PTPRN2: variants seen among roughly 807,000 people sequenced by gnomAD.
PTPRN2 encodes the protein receptor-type tyrosine-protein phosphatase N2.
PTPRN2 carries 74 observed loss-of-function variants against 118.8 expected under a neutral mutation model. That is an observed-to-expected ratio of 0.62 (90% CI 0.52 to 0.76). The LOEUF (loss-of-function observed/expected upper bound fraction) is 0.76. Ranked by LOEUF, PTPRN2 falls within the 30% of genes least tolerant of loss-of-function variation. The pLI is 0.00. For missense variants in PTPRN2, 1,481 were observed against 1,394.4 expected, an observed-to-expected ratio of 1.06 and a Z score of -0.99; for synonymous variants, 641 against 608.0, an observed-to-expected ratio of 1.05 and a Z score of -0.80.
chr7:158,507,295 A>C (rs10260103), intron 1 of PTPRN2, among the ~76,000 whole-genome samples: 74,855 of 150,030 alleles, frequency 0.5, 18,624 homozygotes, highest in East Asian at 0.68. Flanking sequence ...ACTGCACACA[A>C]GAAGGTCAGT....
At chr7:157,802,846 G>T (rs117308747) in intron 12 of PTPRN2, among the ~76,000 whole-genome samples, 2 of 152,226 alleles carry the variant, frequency 1.3e-5, no homozygotes, top group Non-Finnish European at 2.9e-5. Context: ...TGTACAGTGT[G>T]TTGGCCATTT....
chr7:158,401,160 G>A (rs73178215), intron 2 of PTPRN2, among the ~76,000 whole-genome samples: 1,610 of 152,272 alleles, frequency 0.011, 17 homozygotes, highest in Non-Finnish European at 0.015. Flanking sequence ...GGGGCTCTCC[G>A]GGTTCCTGAC....
At chr7:158,343,343 G>A (rs1807213660) in intron 2 of PTPRN2, among the ~76,000 whole-genome samples, 1 of 152,198 alleles carries the variant, frequency 6.6e-6, no homozygotes, top group African/African-American at 2.4e-5. Context: ...CAAAACCACA[G>A]TGAGACCTAC....
At chr7:158,143,232 A>G (rs1819552274) in intron 6 of PTPRN2, among the ~76,000 whole-genome samples, 1 of 152,204 alleles carries the variant, frequency 6.6e-6, no homozygotes, top group South Asian at 2.1e-4. Flanking sequence ...CTGTGTCTGG[A>G]AAAGTAGGCG....
At chr7:158,006,529 C>T (rs1039667369) in intron 11 of PTPRN2, among the ~76,000 whole-genome samples, 9 of 152,194 alleles carry the variant, frequency 5.9e-5, no homozygotes, top group Non-Finnish European at 1.3e-4. Flanking sequence ...AAAGATCTGG[C>T]GAGGGAAGAG....
chr7:157,957,034 A>G (rs1043447581), intron 11 of PTPRN2, among the ~76,000 whole-genome samples: 1 of 152,216 alleles, frequency 6.6e-6, no homozygotes. Flanking sequence ...CCTACCCAAC[A>G]TCAGAACCAC....
Position 158,260,373 on chromosome 7 carries a change from A to G in PTPRN2, c.278-55100T>C, listed in dbSNP as rs189364443. 4.3e-3 allele frequency among the ~76,000 whole-genome samples: 652 copies of G among 152,368 alleles called. 6 individuals are homozygous for G. Among genetic ancestry groups the G allele is most frequent in the Middle Eastern group, 6.8e-3 (2 of 294 alleles). On this transcript the variant is annotated intron_variant, in intron 3 of 22. Transcript: ENST00000389418. Reference sequence around the variant, plus strand: ...ATGTTATTAAATAATTCCATGGGGAAATAAGACTTTATACACAAAAGTTTG... The same window carrying G: ...ATGTTATTAAATAATTCCATGGGGAGATAAGACTTTATACACAAAAGTTTG...
chr7:157,856,413 T>C (rs915241297), intron 12 of PTPRN2, among the ~76,000 whole-genome samples: 1 of 152,246 alleles, frequency 6.6e-6, no homozygotes, highest in African/African-American at 2.4e-5. Context: ...ATGTCTATTT[T>C]ACACTGAAGG....
In PTPRN2 at chr7:158,509,172, G is replaced by A. The variant is rs571170259; in HGVS notation, c.113-19387C>T. ...GAGAGGCGCCACACACAGCCTCCAC[G>A]CAGCCTCCACCCAGCAGGCGGGACC... is the stretch of plus-strand genomic sequence containing the variant. On this transcript the variant is annotated intron_variant, in intron 1 of 22. Coordinates refer to ENST00000389418, the MANE Select transcript of PTPRN2 (RefSeq NM_002847.5). This position sits in a 1 kb window ranked among gnomAD's most constrained non-coding sequence, Gnocchi z 4.4. Among the ~76,000 whole-genome samples the A allele has an allele frequency of 7.2e-5, 11 of 152,226 alleles. No homozygotes were observed. The highest frequency in any genetic ancestry group is 1.3e-4 in the Non-Finnish European group (9 of 67,998).
intron 21 of PTPRN2, among the ~76,000 whole-genome samples, chr7:157,565,030 T>C (rs913781643): frequency 6.6e-6 from 1 of 152,248 alleles, no homozygotes; most frequent in Non-Finnish European, 1.5e-5. Context: ...GAAGGCATTA[T>C]GCAAAGTGAC....
chr7:158,332,078 C>A (rs1804585358), intron 2 of PTPRN2, among the ~76,000 whole-genome samples: 1 of 150,498 alleles, frequency 6.6e-6, no homozygotes, highest in African/African-American at 2.5e-5. Flanking sequence ...GACACTCACA[C>A]CCACACTCTC....
At chr7:157,998,081 T>TGCAGGGTGGGGGGAGAGGAGA (rs1804915441) in intron 11 of PTPRN2, among the ~76,000 whole-genome samples, 1 of 11,888 alleles carries the variant, frequency 8.4e-5, no homozygotes, top group Admixed American at 1.1e-3. Context: ...GGGAGAGGAG[T>TGCAGGGTGGGGGGAGAGGAGA]GCAGGGGAGA....
At chr7:157,634,752 G>A (rs1804202547) in intron 14 of PTPRN2, among the ~76,000 whole-genome samples, 1 of 152,222 alleles carries the variant, frequency 6.6e-6, no homozygotes, top group Admixed American at 6.5e-5. Context: ...AAGATTCACA[G>A]GCTGACGTAG....
chr7:157,700,852 G>A (rs891927851), intron 12 of PTPRN2, among the ~76,000 whole-genome samples: 4 of 152,182 alleles, frequency 2.6e-5, no homozygotes. Flanking sequence ...TCTCCCCATC[G>A]AGGAACCCTG....
chr7:158,469,805 G>A (rs183821402), intron 2 of PTPRN2, among the ~76,000 whole-genome samples: 1 of 151,868 alleles, frequency 6.6e-6, no homozygotes, highest in Non-Finnish European at 1.5e-5. Flanking sequence ...TAAAAGAATT[G>A]GGAGCTGGGA....
chr7:158,329,651 C>G (rs989579868), intron 2 of PTPRN2, among the ~76,000 whole-genome samples: 2 of 152,094 alleles, frequency 1.3e-5, no homozygotes, highest in Non-Finnish European at 2.9e-5. Context: ...TTCTAAGCCC[C>G]GCAATAGGTG....
intron 10 of PTPRN2, among the ~76,000 whole-genome samples, chr7:158,098,844 A>G (rs982452159): frequency 2.0e-5 from 3 of 151,726 alleles, no homozygotes; most frequent in Non-Finnish European, 4.4e-5. Flanking sequence ...GGGGACGGGG[A>G]ACGGGGCCGC....
At chr7:158,242,580 G>A (rs1001976833) in intron 3 of PTPRN2, among the ~76,000 whole-genome samples, 1 of 152,230 alleles carries the variant, frequency 6.6e-6, no homozygotes, top group African/African-American at 2.4e-5. Flanking sequence ...CTCCTCTTCA[G>A]TGTTTTGGAA....
In PTPRN2 at chr7:157,788,374, C is replaced by CAAA. The variant is rs749886375; in HGVS notation, c.1789-105440_1789-105438dup. On this transcript the variant is annotated intron_variant, in intron 12 of 22. Coordinates refer to ENST00000389418, the MANE Select transcript of PTPRN2 (RefSeq NM_002847.5). ...TGGGAAACAGAATGAGACTCCATCT[C>CAAA]AAAAAAAAAAAAAAAAAAGAAAGTA... is the stretch of plus-strand genomic sequence containing the variant. Among the ~76,000 whole-genome samples, 158 of 75,518 alleles carry CAAA rather than the reference C, an allele frequency of 2.1e-3. 5 individuals are homozygous for CAAA. Among genetic ancestry groups the CAAA allele is most frequent in the African/African-American group, 6.9e-3 (150 of 21,658 alleles). 49.5% of individuals were successfully genotyped at this position (75,518 alleles called of 152,430 possible). A position where few individuals can be genotyped will look rare whatever the true frequency, so the allele number is the denominator to read the frequency against.
Sources: gnomAD v4.1 joint callset for allele counts (sites outside exome capture counted in the v4.1 genomes callset) on GRCh38, gnomAD v4.1.1 for gene constraint, Gnocchi (gnomAD v3.1) non-coding constraint, MANE v1.5 for transcripts, NCBI Gene and HGNC (gene_info 2026-07-23, HGNC 2026-07-21) for gene names.